The following ANO8 variants were observed in gnomAD, a reference collection of about 807,000 sequenced individuals.
The protein encoded by ANO8 is anoctamin-8.
Under a neutral mutation model 120.4 loss-of-function variants are expected in ANO8, and 67 were observed. That is an observed-to-expected ratio of 0.56 (90% CI 0.46 to 0.68). ANO8 has a LOEUF of 0.68. Ranked by LOEUF, ANO8 falls within the 30% of genes least tolerant of loss-of-function variation. The probability of loss-of-function intolerance (pLI) is 0.00; values close to 1 mark genes in which losing one functional copy is unlikely to be tolerated. For synonymous variants in ANO8, 727 were observed against 759.2 expected, an observed-to-expected ratio of 0.96 and a Z score of 0.70; for missense variants, 1,526 against 1,737.6, an observed-to-expected ratio of 0.88 and a Z score of 2.16.
Position 17,328,293 on chromosome 19 carries a change from G to A in ANO8, c.2095C>T (p.Pro699Ser). ...QGPDGGPDPEPGSNSDSTRRQ... is the reference protein window; with the variant it reads ...QGPDGGPDPESGSNSDSTRRQ... ...CGGGTCGAATCGCTGTTGGAGCCGGGTTCCGGGTCCGGGCCCCCGTCGGGC... is the reference window on the plus strand; with the variant it reads ...CGGGTCGAATCGCTGTTGGAGCCGGATTCCGGGTCCGGGCCCCCGTCGGGC... Residue 699 changes from proline to serine, a missense_variant, in exon 13 of 18, where the codon CCC becomes TCC. Transcript: ENST00000159087. The A allele has an allele frequency of 6.2e-7, 1 of 1,605,650 alleles. No homozygotes were observed. Among genetic ancestry groups the A allele is most frequent in the Non-Finnish European group, 8.5e-7 (1 of 1,177,196 alleles).
chr19:17,334,719 A>T lies in ANO8; in HGVS notation c.-49T>A. The T allele has an allele frequency of 7.6e-7, 1 of 1,322,870 alleles. No homozygotes were observed. The highest frequency in any genetic ancestry group is 9.7e-7 in the Non-Finnish European group (1 of 1,031,826). The allele number at this position is 1,322,870 out of a possible 1,614,324, so 81.9% of individuals were successfully genotyped here. The stretch of plus-strand genomic sequence containing the variant: ...GCTACGGACGGCCCGGGCGACGGGG[A>T]GCCGCGGGCTCATGGGGCCGGTGCA... On this transcript the variant is annotated 5_prime_UTR_variant, in exon 1 of 18. Coordinates refer to ENST00000159087, the MANE Select transcript of ANO8 (RefSeq NM_020959.3).
chr19:17,331,251 C>A (rs2074316053), intron 6 of ANO8, 36 bp from the exon 7 acceptor site: 2 of 1,614,190 alleles, frequency 1.2e-6, no homozygotes, highest in Non-Finnish European at 8.5e-7. Context: ...TCACCCCCTG[C>A]CTGTCTGCTG....
intron 5 of ANO8, 139 bp from the exon 6 acceptor site, chr19:17,331,550 G>C: frequency 1.4e-6 from 1 of 709,160 alleles, no homozygotes. Context: ...AGAAGTTCTA[G>C]ACGGATAGAA....
At position 17,334,846 on chromosome 19, in the gene ANO8, A is replaced by G; in HGVS notation, c.-176T>C. On this transcript the variant is annotated 5_prime_UTR_variant, in exon 1 of 18. Coordinates refer to ENST00000159087, the MANE Select transcript of ANO8 (RefSeq NM_020959.3). ...TGCTTCTCGTCCCCGCCCGAGCCGA[A>G]CCTCGATTCTCCTTCCCGGCCCGAT... is the stretch of plus-strand genomic sequence containing the variant. 7.7e-7 allele frequency: 1 copy of G among 1,295,872 alleles called. No individual in the cohort carries two copies. Among genetic ancestry groups the G allele is most frequent in the Non-Finnish European group, 1.0e-6 (1 of 977,738 alleles). The allele number at this position is 1,295,872 out of a possible 1,614,324, so 80.3% of individuals were successfully genotyped here. A position where few individuals can be genotyped will look rare whatever the true frequency, so the allele number is the denominator to read the frequency against.
Position 17,323,372 on chromosome 19 carries a change from C to T in ANO8, c.*145G>A, listed in dbSNP as rs1186526225. The stretch of plus-strand genomic sequence containing the variant: ...TCTGTTGGATTTGTGGGTTTCCTTT[C>T]GTTTGGAAAGGAAAACGGCAGATGG... On this transcript the variant is annotated 3_prime_UTR_variant, in exon 18 of 18. Transcript: ENST00000159087. The T allele has an allele frequency of 5.1e-6, 3 of 592,556 alleles. No homozygotes were observed. The highest frequency in any genetic ancestry group is 3.4e-5 in the East Asian group (1 of 29,358). The allele number at this position is 592,556 out of a possible 1,614,324, so 36.7% of individuals were successfully genotyped here.
In ANO8 at chr19:17,323,505, G is replaced by A; in HGVS notation, c.*12C>T. The A allele has an allele frequency of 2.3e-6, 3 of 1,292,930 alleles. No homozygotes were observed. The highest frequency in any genetic ancestry group is 2.9e-6 in the Non-Finnish European group (3 of 1,019,986). 80.1% of individuals were successfully genotyped at this position (1,292,930 alleles called of 1,614,324 possible). A position where few individuals can be genotyped will look rare whatever the true frequency, so the allele number is the denominator to read the frequency against. On this transcript the variant is annotated 3_prime_UTR_variant, in exon 18 of 18. Coordinates refer to ENST00000159087, the MANE Select transcript of ANO8 (RefSeq NM_020959.3). ...ATATTGCATATGAGAAGAGAAGGCAGGGCGGGTAGAGCTAATGCCAGCCGC... is the reference window on the plus strand; with the variant it reads ...ATATTGCATATGAGAAGAGAAGGCAAGGCGGGTAGAGCTAATGCCAGCCGC...
intron 16 of ANO8, 116 bp downstream of exon 16, chr19:17,327,119 A>G: frequency 1.1e-6 from 1 of 924,054 alleles, no homozygotes; most frequent in Admixed American, 2.7e-5. Flanking sequence ...TAATTATTAT[A>G]CCCAGCTCTG....
rs1473460321 is a variant in ANO8 at position 17,328,907 on chromosome 19, C to T, written c.1481G>A (p.Arg494His). The T allele has an allele frequency of 1.3e-6, 2 of 1,508,328 alleles. No individual in the cohort carries two copies. Among genetic ancestry groups the T allele is most frequent in the Non-Finnish European group, 1.8e-6 (2 of 1,131,752 alleles). 93.4% of individuals were successfully genotyped at this position (1,508,328 alleles called of 1,614,324 possible). A position where few individuals can be genotyped will look rare whatever the true frequency, so the allele number is the denominator to read the frequency against. The change falls in exon 13 of 18, where the codon CGC becomes CAC. Residue 494 changes from arginine to histidine, a missense_variant. This residue lies in a region of ANO8 where 467 missense variants were observed against 425.8 expected (regional missense o/e 1.10). Transcript: ENST00000159087. ...REVLQPHLYRRLGRGELGLRA... is the reference protein window; with the variant it reads ...REVLQPHLYRHLGRGELGLRA... ...CAGGCCCAGCTCGCCGCGGCCCAGG[C>T]GCCGGTACAGGTGCGGCTGCAGGAC...
At position 17,328,155 on chromosome 19, in the gene ANO8, T is replaced by TGCGAGGCCCCGCCCCCG; in HGVS notation, c.2226+6_2226+7insCGGGGGCGGGGCCTCGC. The TGCGAGGCCCCGCCCCCG allele has an allele frequency of 1.4e-5, 18 of 1,304,864 alleles. No homozygotes were observed. Among genetic ancestry groups the TGCGAGGCCCCGCCCCCG allele is most frequent in the Non-Finnish European group, 1.9e-5 (18 of 968,092 alleles). The allele number at this position is 1,304,864 out of a possible 1,614,324, so 80.8% of individuals were successfully genotyped here. A position where few individuals can be genotyped will look rare whatever the true frequency, so the allele number is the denominator to read the frequency against. ...CCGCCCCCTGCGAGGCCCCGCCCCC[T>TGCGAGGCCCCGCCCCCG]CCTCACCTCGTACTTCTTCATACAG... On this transcript the variant is annotated splice_region_variant and intron_variant, in intron 13 of 17. Coordinates refer to ENST00000159087, the MANE Select transcript of ANO8 (RefSeq NM_020959.3).
At chr19:17,334,529 C>T in intron 1 of ANO8, 36 bp downstream of exon 1, 7 of 1,500,186 alleles carry the variant, frequency 4.7e-6, no homozygotes, top group East Asian at 2.7e-5. Flanking sequence ...CCCCAGGCAC[C>T]TGCAACCCTG....
chr19:17,325,434 G>A, intron 16 of ANO8, 48 bp from the exon 17 acceptor site: 4 of 1,519,834 alleles, frequency 2.6e-6, no homozygotes, highest in African/African-American at 1.4e-5. Context: ...AAGGGTGTTA[G>A]CGGGTGCCAG....
chr19:17,328,732 C>T lies in ANO8; in HGVS notation c.1656G>A (p.Ala552=). The change falls in exon 13 of 18, where the codon GCG becomes GCA. Residue 552 remains alanine (A), a synonymous_variant. Transcript: ENST00000159087. ...GCGCCGCCTCCTCCTCCTCCTCCGG[C>T]GCCCCGCAGCCCCCGCTGAGGCACC... is the stretch of plus-strand genomic sequence containing the variant. ...GRRCLSGGCG[A]PEEEEEAALV... is the part of the protein sequence containing the mutation. 1 of 1,363,976 alleles carries T rather than the reference C, an allele frequency of 7.3e-7. No individual in the cohort carries two copies. The highest frequency in any genetic ancestry group is 1.7e-5 in the South Asian group (1 of 58,536). 84.5% of individuals were successfully genotyped at this position (1,363,976 alleles called of 1,614,324 possible).
At chr19:17,328,094 C>A in intron 13 of ANO8, 68 bp downstream of exon 13, 1 of 1,380,884 alleles carries the variant, frequency 7.2e-7, no homozygotes, top group Middle Eastern at 1.9e-4. Flanking sequence ...CCACGGCCTT[C>A]ACCCTCGGAC....
Position 17,327,804 on chromosome 19 carries a change from G to A in ANO8, c.2303C>T (p.Ala768Val), listed in dbSNP as rs752249991. Residue 768 changes from alanine to valine, a missense_variant, in exon 14 of 18, where the codon GCG becomes GTG. Ala to Val is a moderately conservative substitution (Grantham distance 64, BLOSUM62 0). Transcript: ENST00000159087. Reference protein sequence around the residue: ...VVLFSSAFPLAALCALVNNLI... With the variant: ...VVLFSSAFPLVALCALVNNLI... ...GTTGTTGACCAGGGCGCACAGCGCC[G>A]CCAGGGGGAAGGCGGACGAGAAGAG... 2 of 1,614,096 alleles carry A rather than the reference G, an allele frequency of 1.2e-6. No homozygotes were observed. The highest frequency in any genetic ancestry group is 1.7e-6 in the Non-Finnish European group (2 of 1,180,014).
Position 17,328,300 on chromosome 19 carries a change from G to T in ANO8, c.2088C>A (p.Asp696Glu), listed in dbSNP as rs1222029551. The T allele has an allele frequency of 3.1e-6, 5 of 1,603,272 alleles. No individual in the cohort carries two copies. The highest frequency in any genetic ancestry group is 1.3e-5 in the African/African-American group (1 of 74,816). ...GRDQGPDGGPDPEPGSNSDST... is the reference protein window; with the variant it reads ...GRDQGPDGGPEPEPGSNSDST... The stretch of plus-strand genomic sequence containing the variant: ...AATCGCTGTTGGAGCCGGGTTCCGG[G>T]TCCGGGCCCCCGTCGGGCCCCTGGT... Residue 696 changes from aspartate (D) to glutamate (E), a missense_variant, in exon 13 of 18, where the codon GAC (aspartate) becomes GAA (glutamate). By Grantham distance (45) the Asp-to-Glu change is conservative. Around this residue, in one of 8 missense-constraint regions of ANO8, gnomAD observed 467 missense variants for 425.8 expected, o/e 1.10. Transcript: ENST00000159087.
chr19:17,323,555 T>C lies in ANO8; in HGVS notation c.3661A>G (p.Ser1221Gly). The C allele has an allele frequency of 8.7e-7, 1 of 1,144,004 alleles. No homozygotes were observed. The highest frequency in any genetic ancestry group is 1.1e-6 in the Non-Finnish European group (1 of 931,636). 70.9% of individuals were successfully genotyped at this position (1,144,004 alleles called of 1,614,324 possible). Residue 1221 changes from serine to glycine, a missense_variant, in exon 18 of 18, where the codon AGC becomes GGC. Physicochemically the swap from Ser to Gly is moderately conservative, Grantham distance 56. This residue lies in a region of ANO8 where 489 missense variants were observed against 548.6 expected (regional missense o/e 0.89). Coordinates refer to ENST00000159087, the MANE Select transcript of ANO8 (RefSeq NM_020959.3). ...CTGGGCCAGCACACGGCCTGGGGGC[T>C]GGGGCTGGGGCTAGGGGAGGGCGCT... ...TPAPSPSPSP[S>G]PQAVCWPSGW...
chr19:17,325,352 T>C lies in ANO8; in HGVS notation c.2696A>G (p.Gln899Arg). The C allele has an allele frequency of 1.3e-6, 2 of 1,598,234 alleles. No homozygotes were observed. Among genetic ancestry groups the C allele is most frequent in the Non-Finnish European group, 8.5e-7 (1 of 1,177,150 alleles). The change falls in exon 17 of 18, where the codon CAG (glutamine) becomes CGG (arginine). Residue 899 changes from glutamine (Q) to arginine (R), a missense_variant. By Grantham distance (43) the Gln-to-Arg change is conservative. Coordinates refer to ENST00000159087, the MANE Select transcript of ANO8 (RefSeq NM_020959.3). ...CTCCTCCCGCCGCCTGCGCTGCTGCTGCTGGTAGCGATGCTGGGCCTGGCG... is the reference window on the plus strand; with the variant it reads ...CTCCTCCCGCCGCCTGCGCTGCTGCCGCTGGTAGCGATGCTGGGCCTGGCG... The part of the protein sequence containing the change: ...HERQAQHRYQ[Q>R]QQRRRREEEE...
Position 17,331,123 on chromosome 19 carries a change from C to T in ANO8, c.796G>A (p.Gly266Arg). The T allele has an allele frequency of 6.2e-7, 1 of 1,614,174 alleles. No individual in the cohort carries two copies. Among genetic ancestry groups the T allele is most frequent in the Non-Finnish European group, 8.5e-7 (1 of 1,180,026 alleles). Reference protein sequence around the residue: ...TSAMVYPAVFGSVLYTFTEAD... With the variant: ...TSAMVYPAVFRSVLYTFTEAD... ...TCTGTGAATGTGTACAGGACAGACC[C>T]GAAGACAGCTGGGTATACCATAGCC... Residue 266 changes from glycine (G) to arginine (R), a missense_variant, in exon 7 of 18, where the codon GGG (glycine) becomes AGG (arginine). Gly to Arg is a moderately radical substitution (Grantham distance 125, BLOSUM62 -2). Transcript: ENST00000159087.
chr19:17,323,315 G>C lies in ANO8; in HGVS notation c.*202C>G. On this transcript the variant is annotated 3_prime_UTR_variant, in exon 18 of 18. Transcript: ENST00000159087. ...ACAAATAAATAATCGCCTGTTCTGTGTGTGTGTGTGTGTGTGTGTGTGTGT... is the reference window on the plus strand; with the variant it reads ...ACAAATAAATAATCGCCTGTTCTGTCTGTGTGTGTGTGTGTGTGTGTGTGT... 1.5e-5 allele frequency: 4 copies of C among 265,314 alleles called. No individual in the cohort carries two copies. The highest frequency in any genetic ancestry group is 1.9e-5 in the Non-Finnish European group (3 of 158,406). 16.4% of individuals were successfully genotyped at this position (265,314 alleles called of 1,614,324 possible).
Sources: gnomAD v4.1 joint callset for allele counts on GRCh38, gnomAD v4.1.1 for gene constraint, gnomAD v4.1.1 regional missense constraint, MANE v1.5 for transcripts, NCBI Gene and HGNC (gene_info 2026-07-23, HGNC 2026-07-21) for gene names.